The following IQCE variants were observed in gnomAD, a reference collection of about 807,000 sequenced individuals.
The protein encoded by IQCE is IQ motif containing E.
IQCE carries 115 observed loss-of-function variants against 96.0 expected under a neutral mutation model. The observed-to-expected ratio is 1.20, with a 90% CI of 1.03 to 1.40. The LOEUF (loss-of-function observed/expected upper bound fraction) is 1.40, where lower values mean the gene tolerates loss of function less well. Among genes scored for constraint, IQCE ranks in the 40% most tolerant of loss-of-function variants. IQCE has a pLI of 0.00. For synonymous variants in IQCE, 412 were observed against 371.2 expected (o/e 1.11, Z -1.26); for missense variants, 1,041 against 909.1 (o/e 1.15, Z -1.87).
At chr7:2,575,175 G>C (rs1047460586) in intron 6 of IQCE, among the ~76,000 whole-genome samples, 1 of 152,232 alleles carries the variant, frequency 6.6e-6, no homozygotes, top group East Asian at 1.9e-4. Context: ...GTTTCATCGC[G>C]AGACTCTGAC....
chr7:2,577,685 C>T (rs561904958), intron 6 of IQCE, among the ~76,000 whole-genome samples: 594 of 18,750 alleles, frequency 0.032, 2 homozygotes, highest in Non-Finnish European at 0.036. Context: ...GTGCGGCGTG[C>T]ACGCATTGGC....
intron 8 of IQCE, among the ~76,000 whole-genome samples, chr7:2,581,860 C>G (rs1265070936): frequency 6.6e-6 from 1 of 152,078 alleles, no homozygotes; most frequent in African/African-American, 2.4e-5. Context: ...CAGGCGCCCG[C>G]CACCGCGCCT....
chr7:2,575,040 G>A (rs1213512010), intron 6 of IQCE, among the ~76,000 whole-genome samples: 2 of 152,212 alleles, frequency 1.3e-5, no homozygotes, highest in African/African-American at 4.8e-5. Context: ...CTAAGTCTGT[G>A]GCGGGATTCC....
At chr7:2,590,916 A>G (rs1046978517) in intron 14 of IQCE, among the ~76,000 whole-genome samples, 2 of 152,088 alleles carry the variant, frequency 1.3e-5, no homozygotes, top group African/African-American at 4.8e-5. Context: ...ATTCAGTAAT[A>G]TGTTTATGGG....
intron 1 of IQCE, 46 bp from the exon 2 acceptor site, chr7:2,567,070 C>G (rs1407605736): frequency 2.6e-6 from 4 of 1,549,352 alleles, no homozygotes; most frequent in Non-Finnish European, 3.6e-6. Context: ...TGGTCGGAAG[C>G]CCAGCAGGTG....
intron 17 of IQCE, among the ~76,000 whole-genome samples, chr7:2,599,101 C>G (rs778105547): frequency 2.0e-5 from 3 of 152,334 alleles, no homozygotes; most frequent in African/African-American, 7.2e-5. Flanking sequence ...CACATCCCAT[C>G]GGAGCCTGGG....
chr7:2,588,723 G>T (rs1199732557), intron 13 of IQCE, among the ~76,000 whole-genome samples: 4 of 132,626 alleles, frequency 3.0e-5, no homozygotes, highest in Admixed American at 2.6e-4. Flanking sequence ...GCAGTGCAGT[G>T]GCGTAATCTC....
Position 2,604,948 on chromosome 7 carries a change from C to G in IQCE, c.1700C>G (p.Ala567Gly). The G allele has an allele frequency of 6.2e-7, 1 of 1,613,762 alleles. No individual in the cohort carries two copies. Among genetic ancestry groups the G allele is most frequent in the South Asian group, 1.1e-5 (1 of 91,086 alleles). The part of the protein sequence containing the change: ...LTRTKLLASK[A>G]HGSEPPSVPG... The stretch of plus-strand genomic sequence containing the variant: ...CGGACAAAGCTCTTAGCAAGCAAAG[C>G]ACATGGCTCAGAGCCACCCAGCGTG... Residue 567 changes from alanine (A) to glycine (G), a missense_variant, in exon 19 of 22, where the codon GCA becomes GGA. Transcript: ENST00000402050.
Position 2,586,313 on chromosome 7 carries a change from C to T in IQCE, c.930C>T (p.Ser310=). ...AGGAGCTCACGGAAGAGAACCAGAGCCTGAAGGAGGACCTGGACCGCGTGC... is the reference window on the plus strand; with the variant it reads ...AGGAGCTCACGGAAGAGAACCAGAGTCTGAAGGAGGACCTGGACCGCGTGC... ...SVQELTEENQ[S]LKEDLDRVLS... Residue 310 remains serine (S), a synonymous_variant, in exon 12 of 22, where the codon AGC becomes AGT. Transcript: ENST00000402050. The T allele has an allele frequency of 6.2e-7, 1 of 1,613,992 alleles. No homozygotes were observed. The highest frequency in any genetic ancestry group is 8.5e-7 in the Non-Finnish European group (1 of 1,179,952).
chr7:2,559,707 A>G (rs557802226), intron 1 of IQCE, among the ~76,000 whole-genome samples: 1 of 124,250 alleles, frequency 8.0e-6, no homozygotes, highest in East Asian at 2.7e-4. Context: ...TAGGTTAGTT[A>G]CTTTGCCCGG....
At chr7:2,598,377 C>A (rs1489216292) in intron 16 of IQCE, 88 bp from the exon 17 acceptor site, 1 of 1,314,088 alleles carries the variant, frequency 7.6e-7, no homozygotes, top group East Asian at 2.4e-5. Flanking sequence ...GCAGCCGCAC[C>A]ATGCCGGGTA....
At chr7:2,581,481 T>C (rs1782657898) in intron 8 of IQCE, among the ~76,000 whole-genome samples, 1 of 151,804 alleles carries the variant, frequency 6.6e-6, no homozygotes, top group African/African-American at 2.4e-5. Flanking sequence ...GCTGGGATTA[T>C]AGGCGTGAGC....
intron 5 of IQCE, 118 bp from the exon 6 acceptor site, chr7:2,573,300 T>A (rs1583410893): frequency 4.7e-6 from 3 of 632,710 alleles, no homozygotes; most frequent in South Asian, 3.6e-5. Context: ...TTGGCTTTTT[T>A]ATTTTCTTCT....
intron 14 of IQCE, among the ~76,000 whole-genome samples, chr7:2,591,342 G>A (rs1349105297): frequency 6.6e-6 from 1 of 152,114 alleles, no homozygotes; most frequent in Non-Finnish European, 1.5e-5. Flanking sequence ...GGGTTCTGGA[G>A]TTCCATGACC....
chr7:2,586,539 GC>G lies in IQCE; in HGVS notation c.988+172del, dbSNP rs572744266. On this transcript the variant is annotated intron_variant, in intron 12 of 21. Coordinates refer to ENST00000402050, the MANE Select transcript of IQCE (RefSeq NM_152558.5). ...CAGCACCTGCCGCGGGCCACGCGAT[GC>G]CCCGGGGATGGAGCCGCAAACAGAA... Among the ~76,000 whole-genome samples, 10 of 152,388 alleles carry G rather than the reference GC, an allele frequency of 6.6e-5. No individual in the cohort carries two copies. The South Asian group carries it at 1.7e-3, about 25-fold the overall frequency.
intron 17 of IQCE, among the ~76,000 whole-genome samples, chr7:2,599,785 A>AT (rs1175850131): frequency 6.8e-6 from 1 of 147,726 alleles, no homozygotes; most frequent in Non-Finnish European, 1.5e-5. Flanking sequence ...CCACACCTAG[A>AT]TTTTTTTTCT....
chr7:2,588,817 C>T (rs1345104855), intron 13 of IQCE, among the ~76,000 whole-genome samples: 1 of 151,784 alleles, frequency 6.6e-6, no homozygotes, highest in East Asian at 1.9e-4. Flanking sequence ...AGGTGCCCAC[C>T]ACCACGCCCA....
At chr7:2,603,424 T>C (rs563872925) in intron 18 of IQCE, among the ~76,000 whole-genome samples, 26 of 152,282 alleles carry the variant, frequency 1.7e-4, no homozygotes, top group African/African-American at 6.0e-4. Flanking sequence ...GGATCCGGGC[T>C]CCTTGTCCGA....
intron 1 of IQCE, among the ~76,000 whole-genome samples, chr7:2,562,600 T>G (rs1273548395): frequency 2.0e-5 from 3 of 151,888 alleles, no homozygotes; most frequent in African/African-American, 7.2e-5. Context: ...CCCCTTTTTT[T>G]TTTTTTCCCC....
Sources: gnomAD v4.1 joint callset for allele counts (sites outside exome capture counted in the v4.1 genomes callset) on GRCh38, gnomAD v4.1.1 for gene constraint, MANE v1.5 for transcripts, NCBI Gene and HGNC (gene_info 2026-07-23, HGNC 2026-07-21) for gene names.